The following CD109 variants were observed in gnomAD, a reference collection of about 807,000 sequenced individuals.
The protein encoded by CD109 is CD109 antigen.
CD109 carries 149 observed loss-of-function variants against 165.8 expected under a neutral mutation model. The observed-to-expected ratio is 0.90, with a 90% CI of 0.79 to 1.03. The LOEUF (loss-of-function observed/expected upper bound fraction) is 1.03. CD109 is among the 50% of genes least tolerant of loss of function. The pLI, the probability that CD109 is intolerant of heterozygous loss-of-function variation, is 0.00. For synonymous variants in CD109, 585 were observed against 592.1 expected (o/e 0.99, Z 0.18); for missense variants, 1,712 against 1,677.8 (o/e 1.02, Z -0.36).
intron 5 of CD109, among the ~76,000 whole-genome samples, chr6:73,753,629 A>G (rs1773278443): frequency 6.6e-6 from 1 of 152,212 alleles, no homozygotes; most frequent in Admixed American, 6.5e-5. Flanking sequence ...TATTGGAACA[A>G]TTTAAAATGT....
chr6:73,761,072 A>ACACAC (rs1562051579), intron 7 of CD109, among the ~76,000 whole-genome samples: 7 of 122,068 alleles, frequency 5.7e-5, no homozygotes, highest in African/African-American at 2.3e-4. Flanking sequence ...CACACACACA[A>ACACAC]ACCCAGAAAC....
At chr6:73,720,664 T>C (rs1162417689) in intron 2 of CD109, among the ~76,000 whole-genome samples, 6 of 152,166 alleles carry the variant, frequency 3.9e-5, no homozygotes, top group Non-Finnish European at 8.8e-5. Context: ...AAAAAAAGAA[T>C]AAAACATTTT....
chr6:73,770,542 G>C (rs1403821423), intron 14 of CD109, among the ~76,000 whole-genome samples: 1 of 152,050 alleles, frequency 6.6e-6, no homozygotes. Context: ...GTCAGGAGTT[G>C]GAGACCAGCC....
At chr6:73,762,624 A>G (rs1379747796) in intron 8 of CD109, 117 bp from the exon 9 acceptor site, 1 of 980,502 alleles carries the variant, frequency 1.0e-6, no homozygotes, top group Non-Finnish European at 1.5e-6. Flanking sequence ...AATTTATGCA[A>G]TTATAGCGAT....
In CD109 at chr6:73,792,745, A is replaced by G. The variant is rs1351690329; in HGVS notation, c.2821A>G (p.Lys941Glu). Residue 941 changes from lysine to glutamate, a missense_variant, in exon 23 of 33, where the codon AAA becomes GAA. By Grantham distance (56) the Lys-to-Glu change is moderately conservative. Coordinates refer to ENST00000287097, the MANE Select transcript of CD109 (RefSeq NM_133493.5). The stretch of plus-strand genomic sequence containing the variant: ...TATTTACATTTTGGATTATCTGACT[A>G]AAAAGAAACAACTGACAGATAATTT... ...PNIYILDYLT[K>E]KKQLTDNLKE... is the part of the protein sequence containing the mutation. 5.6e-6 allele frequency: 9 copies of G among 1,612,556 alleles called. No individual in the cohort carries two copies. The South Asian group carries it at 7.7e-5, about 14-fold the overall frequency.
rs149454277 is a variant in CD109, at chr6:73,733,956, C to T, written c.508-2427C>T. Among the ~76,000 whole-genome samples the T allele has an allele frequency of 1.3e-3, 196 of 152,258 alleles. 2 individuals carry two copies. The highest frequency in any genetic ancestry group is 4.6e-3 in the African/African-American group (191 of 41,570). ...GATCCAGAGCGATCTAAAGGTGACT[C>T]GAAGGGCATGTGGGGCCACTATTCC... On this transcript the variant is annotated intron_variant, in intron 4 of 32. Coordinates refer to ENST00000287097, the MANE Select transcript of CD109 (RefSeq NM_133493.5).
intron 15 of CD109, among the ~76,000 whole-genome samples, chr6:73,776,907 T>C (rs1290453430): frequency 6.6e-6 from 1 of 151,812 alleles, no homozygotes; most frequent in Non-Finnish European, 1.5e-5. Context: ...GATGTTGAGC[T>C]TTTTCTCATA....
At chr6:73,767,936 C>A in intron 13 of CD109, 119 bp from the exon 14 acceptor site, 1 of 835,038 alleles carries the variant, frequency 1.2e-6, no homozygotes, top group Non-Finnish European at 2.0e-6. Flanking sequence ...TTCCAAAAGA[C>A]TTTGAAGCTG....
intron 4 of CD109, among the ~76,000 whole-genome samples, chr6:73,734,478 A>G (rs1772475865): frequency 6.6e-6 from 1 of 152,204 alleles, no homozygotes; most frequent in Non-Finnish European, 1.5e-5. Context: ...GCATATATTT[A>G]TTGGCTATTT....
At chr6:73,811,537 G>A (rs1244059987) in intron 28 of CD109, among the ~76,000 whole-genome samples, 2 of 152,154 alleles carry the variant, frequency 1.3e-5, no homozygotes, top group African/African-American at 4.8e-5. Flanking sequence ...GAGAGGTTAA[G>A]TGACTTGCTC....
At chr6:73,783,645 C>T in intron 18 of CD109, 62 bp from the exon 19 acceptor site, 1 of 957,018 alleles carries the variant, frequency 1.0e-6, no homozygotes, top group Admixed American at 1.9e-5. Flanking sequence ...ATTATTTTGG[C>T]TTATTTCAAA....
chr6:73,709,766 G>A (rs1235914928), intron 2 of CD109, among the ~76,000 whole-genome samples: 1 of 152,152 alleles, frequency 6.6e-6, no homozygotes, highest in Non-Finnish European at 1.5e-5. Flanking sequence ...CTTCATCCCT[G>A]GGATGCAAGG....
chr6:73,787,294 AATGCCAC>A lies in CD109; in HGVS notation c.2400_2406del (p.Asn800LysfsTer47). ...TATTCTAATGACTTCAAATGAAATA[AATGCCAC>A]AGGCCACCAGCAGACCCTTCTGGTT... On this transcript the variant is annotated frameshift_variant, in exon 21 of 33. Coordinates refer to ENST00000287097, the MANE Select transcript of CD109 (RefSeq NM_133493.5). LOFTEE classifies it high-confidence loss of function. 6.2e-7 allele frequency: 1 copy of A among 1,614,080 alleles called. No homozygotes were observed. Among genetic ancestry groups the A allele is most frequent in the Non-Finnish European group, 8.5e-7 (1 of 1,179,970 alleles).
At chr6:73,791,152 T>TACATACAC (rs1427344564) in intron 22 of CD109, among the ~76,000 whole-genome samples, 1 of 58,394 alleles carries the variant, frequency 1.7e-5, no homozygotes, top group East Asian at 5.6e-4. Context: ...TATATATATA[T>TACATACAC]ATATATATAT....
At chr6:73,819,715 T>C (rs1331585154) in intron 31 of CD109, among the ~76,000 whole-genome samples, 1 of 152,232 alleles carries the variant, frequency 6.6e-6, no homozygotes, top group Non-Finnish European at 1.5e-5. Flanking sequence ...TTAGGAATTA[T>C]CTTACATTAA....
intron 23 of CD109, 148 bp from the exon 24 acceptor site, chr6:73,803,072 A>G: frequency 5.1e-6 from 3 of 584,810 alleles, no homozygotes; most frequent in Non-Finnish European, 9.0e-6. Context: ...ACAGCACTTA[A>G]AATAGAAAGT....
chr6:73,774,377 T>C (rs1358890597), intron 15 of CD109, among the ~76,000 whole-genome samples: 2 of 152,212 alleles, frequency 1.3e-5, no homozygotes, highest in Non-Finnish European at 2.9e-5. Flanking sequence ...AGAATTACTC[T>C]TGATCCTTTC....
At chr6:73,761,410 T>C (rs958787551) in intron 7 of CD109, among the ~76,000 whole-genome samples, 2 of 152,214 alleles carry the variant, frequency 1.3e-5, no homozygotes, top group Admixed American at 1.3e-4. Context: ...TCTGGAGTCT[T>C]TCAGATGGTC....
At chr6:73,720,962 C>A (rs1165614243) in intron 2 of CD109, among the ~76,000 whole-genome samples, 1 of 152,172 alleles carries the variant, frequency 6.6e-6, no homozygotes, top group South Asian at 2.1e-4. Flanking sequence ...ACATTGTACC[C>A]CTCCTTGCTC....
Sources: gnomAD v4.1 joint callset for allele counts (sites outside exome capture counted in the v4.1 genomes callset) on GRCh38, gnomAD v4.1.1 for gene constraint, MANE v1.5 for transcripts, NCBI Gene and HGNC (gene_info 2026-07-23, HGNC 2026-07-21) for gene names.